Variants in PFDN1 observed in about 807,000 individuals in gnomAD.
The protein encoded by PFDN1 is prefoldin 1.
PFDN1 carries 6 observed loss-of-function variants against 17.3 expected under a neutral mutation model. That is an observed-to-expected ratio of 0.35 (90% confidence interval 0.19 to 0.69). The LOEUF (loss-of-function observed/expected upper bound fraction) is 0.69. Ranked by LOEUF, PFDN1 falls within the 30% of genes least tolerant of loss-of-function variation. PFDN1 has a pLI of 0.65. For missense variants in PFDN1, 113 were observed against 146.2 expected (o/e 0.77, Z 1.17); for synonymous variants, 58 against 50.1 (o/e 1.16, Z -0.67).
intron 3 of PFDN1, among the ~76,000 whole-genome samples, chr5:140,279,310 G>A (rs1581092321): frequency 6.6e-6 from 1 of 151,942 alleles, no homozygotes; most frequent in East Asian, 1.9e-4. Flanking sequence ...TATAATGTAA[G>A]TAACATGTAA....
intron 2 of PFDN1, among the ~76,000 whole-genome samples, chr5:140,284,269 C>T (rs1765453354): frequency 1.3e-5 from 2 of 152,100 alleles, no homozygotes. Flanking sequence ...CTCAGCCACG[C>T]AAGTTTTAAC....
At chr5:140,300,611 G>A (rs943812220) in intron 1 of PFDN1, 29 bp from the exon 2 acceptor site, 5 of 1,491,412 alleles carry the variant, frequency 3.4e-6, no homozygotes, top group Admixed American at 2.1e-5. Context: ...TGATTTAGTA[G>A]GTAAAACATT....
chr5:140,272,745 A>G (rs962246403), intron 3 of PFDN1, among the ~76,000 whole-genome samples: 2 of 152,202 alleles, frequency 1.3e-5, no homozygotes, highest in African/African-American at 4.8e-5. Flanking sequence ...GGGATGGCAC[A>G]TGATTAGGCA....
At position 140,297,984 on chromosome 5, in the gene PFDN1, C is replaced by A. The variant is rs1765678704; in HGVS notation, c.200+2432G>T. On this transcript the variant is annotated intron_variant, in intron 2 of 3. Coordinates refer to ENST00000261813, the MANE Select transcript of PFDN1 (RefSeq NM_002622.5). ...TACTGTTTTAAGACCTAAGGATATT[C>A]ACATTAAGGATAAAATTATCCTGTA... Among the ~76,000 whole-genome samples, 10 of 152,286 alleles carry A rather than the reference C, an allele frequency of 6.6e-5. No homozygotes were observed. The South Asian group carries it at 2.1e-3, about 32-fold the overall frequency.
Position 140,254,191 on chromosome 5 carries a change from C to A in PFDN1, c.286-8134G>T, listed in dbSNP as rs1023234000. Among the ~76,000 whole-genome samples the A allele has an allele frequency of 6.6e-6, 1 of 152,136 alleles. No homozygotes were observed. The highest frequency in any genetic ancestry group is 2.4e-5 in the African/African-American group (1 of 41,428). On this transcript the variant is annotated intron_variant, in intron 3 of 3. Coordinates refer to ENST00000261813, the MANE Select transcript of PFDN1 (RefSeq NM_002622.5). The surrounding 1 kb of genome is among the most constrained non-coding windows in gnomAD (Gnocchi z 4.4). Reference sequence around the variant, plus strand: ...CAGATGAATGGGCACGGCTATGTTTCGAAAGCACAGAAACAGGCAGTGGGC... The same window carrying A: ...CAGATGAATGGGCACGGCTATGTTTAGAAAGCACAGAAACAGGCAGTGGGC...
chr5:140,282,129 G>C (rs1159915038), intron 2 of PFDN1: 1 of 150,218 alleles, frequency 6.7e-6, no homozygotes, highest in Non-Finnish European at 1.5e-5. Context: ...CAAAGCTGTA[G>C]TGAGCCATGA....
intron 3 of PFDN1, among the ~76,000 whole-genome samples, chr5:140,268,397 A>G (rs184536272): frequency 3.9e-5 from 6 of 152,322 alleles, no homozygotes; most frequent in Non-Finnish European, 8.8e-5. Context: ...CACACCTGTA[A>G]TCCCAGCACT....
At chr5:140,280,925 G>GA (rs1345348590) in intron 3 of PFDN1, 2 of 151,972 alleles carry the variant, frequency 1.3e-5, no homozygotes, top group African/African-American at 2.4e-5. Flanking sequence ...TAGCTAAAAA[G>GA]AAAAAATTGT....
At chr5:140,276,780 CAAAAAAAAAAAAAAAAAAAAAAAAAG>C (rs1169059028) in intron 3 of PFDN1, among the ~76,000 whole-genome samples, 5 of 46,728 alleles carry the variant, frequency 1.1e-4, no homozygotes, top group Non-Finnish European at 1.8e-4. Flanking sequence ...GACACCGTCT[CAAAAAAAAAAAAAAAAAAAAAAAAAG>C]ACTGAGAGTA....
intron 3 of PFDN1, among the ~76,000 whole-genome samples, chr5:140,258,440 TA>T (rs562501324): frequency 0.22 from 26,191 of 120,688 alleles, 2,370 homozygotes; most frequent in East Asian, 0.24. Context: ...GCTGTACTGT[TA>T]AAAAAAAAAA....
chr5:140,276,265 C>T (rs1031458709), intron 3 of PFDN1, among the ~76,000 whole-genome samples: 44 of 152,194 alleles, frequency 2.9e-4, no homozygotes, highest in African/African-American at 1.0e-3. Context: ...TTCCAAATCC[C>T]TACAATGTGC....
rs903330855 is a variant in PFDN1, at chr5:140,279,793, C to T, written c.285+1656G>A. On this transcript the variant is annotated intron_variant, in intron 3 of 3. Coordinates refer to ENST00000261813, the MANE Select transcript of PFDN1 (RefSeq NM_002622.5). ...GGCAGATCATCTGAGGTCGGGAGTT[C>T]GAGACCAGCCTGACCAACAAGGAGA... 5.3e-5 allele frequency among the ~76,000 whole-genome samples: 8 copies of T among 151,778 alleles called. No individual in the cohort carries two copies. In the South Asian group the frequency reaches 1.0e-3, roughly 20 times the overall value.
intron 3 of PFDN1, among the ~76,000 whole-genome samples, chr5:140,252,852 A>G (rs890273261): frequency 6.6e-6 from 1 of 152,244 alleles, no homozygotes; most frequent in Non-Finnish European, 1.5e-5. Context: ...GGCAGGGCAG[A>G]GCCCTGAGGG....
chr5:140,300,494 T>C lies in PFDN1; in HGVS notation c.122A>G (p.Lys41Arg), dbSNP rs769896084. 6.8e-6 allele frequency: 11 copies of C among 1,612,132 alleles called. No homozygotes were observed. The highest frequency in any genetic ancestry group is 2.7e-5 in the African/African-American group (2 of 74,904). ...TGTATCTGTAAGATGTGCATGCTTT[T>C]TCGTTCTGTTTAGCTGTTCAATCTG... ...DIQIEQLNRT[K>R]KHAHLTDTEI... Residue 41 changes from lysine (K) to arginine (R), a missense_variant, in exon 2 of 4, where the codon AAA (lysine) becomes AGA (arginine). Physicochemically the swap from Lys to Arg is conservative, Grantham distance 26. Transcript: ENST00000261813.
chr5:140,299,618 T>G (rs1187375743), intron 2 of PFDN1, among the ~76,000 whole-genome samples: 1 of 151,956 alleles, frequency 6.6e-6, no homozygotes, highest in Non-Finnish European at 1.5e-5. Flanking sequence ...AAAATGTACT[T>G]TAAAGTCTAA....
intron 2 of PFDN1, among the ~76,000 whole-genome samples, chr5:140,299,675 A>T (rs1015308043): frequency 1.3e-5 from 2 of 152,088 alleles, no homozygotes; most frequent in Admixed American, 6.6e-5. Context: ...TCCTCATTTT[A>T]AAAAAAGAAA....
chr5:140,253,203 G>C (rs1034589426), intron 3 of PFDN1, among the ~76,000 whole-genome samples: 1 of 152,178 alleles, frequency 6.6e-6, no homozygotes, highest in African/African-American at 2.4e-5. Context: ...AGGTCTTTCT[G>C]CTGAAGGACA....
At chr5:140,256,658 C>CAAAAAAAAAAACAAA (rs1764990355) in intron 3 of PFDN1, among the ~76,000 whole-genome samples, 1 of 39,892 alleles carries the variant, frequency 2.5e-5, no homozygotes, top group African/African-American at 7.1e-5. Context: ...CAAAAAATGA[C>CAAAAAAAAAAACAAA]AAAAAAAAAA....
At chr5:140,270,615 G>C (rs1472125964) in intron 3 of PFDN1, among the ~76,000 whole-genome samples, 1 of 151,982 alleles carries the variant, frequency 6.6e-6, no homozygotes, top group Non-Finnish European at 1.5e-5. Flanking sequence ...AAATAAGGAA[G>C]GCTATCCAAT....
Sources: allele counts gnomAD v4.1 joint callset (sites outside exome capture counted in the v4.1 genomes callset), GRCh38; gene constraint gnomAD v4.1.1; non-coding constraint Gnocchi (gnomAD v3.1); transcripts MANE v1.5; gene names NCBI Gene and HGNC (gene_info 2026-07-23, HGNC 2026-07-21).